Variants in PUDP observed in about 807,000 individuals in gnomAD.
PUDP encodes the protein pseudouridine-5'-phosphatase.
PUDP carries 8 observed loss-of-function variants against 9.4 expected under a neutral mutation model. The ratio of observed to expected loss-of-function variants is 0.85; its 90% CI spans 0.50 to 1.53. The LOEUF (loss-of-function observed/expected upper bound fraction) is 1.53, where lower values mean the gene tolerates loss of function less well. Ranked by LOEUF, PUDP falls within the 40% of genes most tolerant of loss-of-function variation. The pLI is 0.00. For missense variants in PUDP, 188 were observed against 189.7 expected, an observed-to-expected ratio of 0.99 and a Z score of 0.05; for synonymous variants, 99 against 80.7, an observed-to-expected ratio of 1.23 and a Z score of -1.22.
At position 7,093,522 on chromosome X, in the gene PUDP, C is replaced by T. The variant is rs779214183; in HGVS notation, c.280+12098G>A. Among the ~76,000 whole-genome samples the T allele has an allele frequency of 1.8e-4, 20 of 111,592 alleles. No individual in the cohort carries two copies. The South Asian group carries it at 6.9e-3, about 39-fold the overall frequency. On this transcript the variant is annotated intron_variant, in intron 2 of 3. Transcript: ENST00000381077. Reference sequence around the variant, plus strand: ...GCTGGCAGCGCTCTACACCTGGATGCTCACCTAAAAGTCACTGCCCTCCCC... The same window carrying T: ...GCTGGCAGCGCTCTACACCTGGATGTTCACCTAAAAGTCACTGCCCTCCCC...
At chrX:6,818,968 C>T (rs1926294269) in intron 3 of PUDP, among the ~76,000 whole-genome samples, 1 of 111,562 alleles carries the variant, frequency 9.0e-6, no homozygotes, top group South Asian at 3.7e-4. Flanking sequence ...AAAGAACAAA[C>T]GGTATATAAA....
chrX:6,813,654 A>T (rs1353187475), intron 3 of PUDP, among the ~76,000 whole-genome samples: 1 of 111,515 alleles, frequency 9.0e-6, no homozygotes, highest in Non-Finnish European at 1.9e-5. Context: ...TTTTTCCAGC[A>T]GCCAGTCCGC....
In PUDP at chrX:7,101,770, A is replaced by G. The variant is rs763189987; in HGVS notation, c.280+3850T>C. Among the ~76,000 whole-genome samples the G allele has an allele frequency of 7.2e-5, 8 of 111,629 alleles. No homozygotes were observed. In the South Asian group the frequency reaches 3.0e-3, roughly 42 times the overall value. ...AACTTTATGGACAAACCTTAGCTAC[A>G]TTAACTAAAAAAACAAAAAACAAAA... On this transcript the variant is annotated intron_variant, in intron 2 of 3. Coordinates refer to ENST00000381077, the MANE Select transcript of PUDP (RefSeq NM_012080.5).
intron 3 of PUDP, among the ~76,000 whole-genome samples, chrX:6,824,575 C>A (rs1926396376): frequency 9.0e-6 from 1 of 111,691 alleles, no homozygotes; most frequent in Non-Finnish European, 1.9e-5. Context: ...GGACACTAAA[C>A]CTGGTTGACC....
intron 3 of PUDP, among the ~76,000 whole-genome samples, chrX:6,845,915 C>A (rs1372569102): frequency 9.0e-6 from 1 of 111,550 alleles, no homozygotes; most frequent in Non-Finnish European, 1.9e-5. Flanking sequence ...ATTCCCAAGT[C>A]ATTACCAATC....
chrX:6,721,333 G>A (rs1924671512), intron 1 of PUDP: 3 of 112,234 alleles, frequency 2.7e-5, no homozygotes, highest in Non-Finnish European at 3.8e-5. Context: ...CAAGTGAGGT[G>A]AAGGTGTTAT....
At chrX:6,817,421 C>T (rs1386811769) in intron 3 of PUDP, among the ~76,000 whole-genome samples, 1 of 111,638 alleles carries the variant, frequency 9.0e-6, no homozygotes, top group Non-Finnish European at 1.9e-5. Context: ...TATTAATTAT[C>T]TGTCACTATC....
chrX:7,074,668 T>C (rs777400800), intron 3 of PUDP, among the ~76,000 whole-genome samples: 1 of 112,172 alleles, frequency 8.9e-6, no homozygotes, highest in South Asian at 3.7e-4. Context: ...ACAACAAAAA[T>C]GGTGTTTCTG....
chrX:7,017,713 AC>A (rs1204208134), intron 1 of PUDP, among the ~76,000 whole-genome samples: 1 of 111,873 alleles, frequency 8.9e-6, no homozygotes, highest in Non-Finnish European at 1.9e-5. Flanking sequence ...AGCGGTGCAA[AC>A]CCACCCAATG....
chrX:6,919,263 C>T (rs1927981326), intron 3 of PUDP, among the ~76,000 whole-genome samples: 1 of 111,804 alleles, frequency 8.9e-6, no homozygotes, highest in Non-Finnish European at 1.9e-5. Context: ...ATAGGGTGGA[C>T]TGACCACCAA....
intron 1 of PUDP, among the ~76,000 whole-genome samples, chrX:7,128,994 T>G (rs1932552916): frequency 9.0e-6 from 1 of 111,699 alleles, no homozygotes; most frequent in Admixed American, 9.5e-5. Flanking sequence ...AAAGTATAAT[T>G]GCACTCAAAT....
chrX:7,025,725 A>T (rs1430607480), intron 1 of PUDP, among the ~76,000 whole-genome samples: 1 of 112,196 alleles, frequency 8.9e-6, no homozygotes, highest in African/African-American at 3.2e-5. Context: ...TTCCTTATTT[A>T]AAAAAGGTAA....
At chrX:6,860,604 T>G (rs1926985680) in intron 3 of PUDP, among the ~76,000 whole-genome samples, 1 of 110,825 alleles carries the variant, frequency 9.0e-6, no homozygotes, top group Admixed American at 9.6e-5. Context: ...CCCGAGTAGG[T>G]GGGATTACAG....
chrX:6,890,935 CAAAAAAAAAAAAAAAAAAAA>C (rs764486249), intron 3 of PUDP, among the ~76,000 whole-genome samples: 3 of 33,149 alleles, frequency 9.1e-5, no homozygotes, highest in Non-Finnish European at 1.4e-4. Context: ...CTCATCTCTC[CAAAAAAAAAAAAAAAAAAAA>C]AAAAAAAAAA....
Position 7,017,094 on chromosome X carries a change from A to G in PUDP, c.205-38751T>C, listed in dbSNP as rs111716753. On this transcript the variant is annotated intron_variant and NMD_transcript_variant, in intron 1 of 3. Coordinates refer to the PUDP transcript ENST00000655425. ...TTCACCCCACTGCCCGAAACCCTCC[A>G]CTATTAGCTGCCACTGCACACAGAG... is the stretch of plus-strand genomic sequence containing the variant. Among the ~76,000 whole-genome samples the G allele has an allele frequency of 1.5e-3, 173 of 111,846 alleles. 1 individual carries two copies. Among genetic ancestry groups the G allele is most frequent in the African/African-American group, 5.3e-3 (163 of 30,679 alleles).
intron 3 of PUDP, among the ~76,000 whole-genome samples, chrX:6,818,654 T>C (rs1425104778): frequency 8.9e-6 from 1 of 112,179 alleles, no homozygotes; most frequent in East Asian, 2.8e-4. Flanking sequence ...GGTGTCTATA[T>C]AGTGAATGCA....
intron 3 of PUDP, among the ~76,000 whole-genome samples, chrX:6,965,879 T>C (rs1175962614): frequency 1.8e-5 from 2 of 111,919 alleles, no homozygotes; most frequent in African/African-American, 6.5e-5. Flanking sequence ...TTGTAAGATG[T>C]TGCAACCAGT....
At chrX:6,729,765 T>C (rs1428839458) in intron 3 of PUDP, among the ~76,000 whole-genome samples, 1 of 111,608 alleles carries the variant, frequency 9.0e-6, no homozygotes, top group Non-Finnish European at 1.9e-5. Flanking sequence ...TCACATTCCT[T>C]TCCTTATTTG....
At chrX:6,724,020 GA>G (rs1289643481), upstream of PUDP, among the ~76,000 whole-genome samples, 1 of 111,512 alleles carries the variant, frequency 9.0e-6, no homozygotes, top group African/African-American at 3.3e-5. Flanking sequence ...TTCAAAATTG[GA>G]AAGAAATCTG....
Sources: gnomAD v4.1 joint callset for allele counts (sites outside exome capture counted in the v4.1 genomes callset) on GRCh38, gnomAD v4.1.1 for gene constraint, MANE v1.5 for transcripts, NCBI Gene and HGNC (gene_info 2026-07-23, HGNC 2026-07-21) for gene names.